The following INPP4B variants were observed in gnomAD, a reference collection of about 807,000 sequenced individuals.
INPP4B encodes inositol polyphosphate-4-phosphatase type II B.
In INPP4B, 55 loss-of-function variants were observed where a neutral mutation model predicts 122.5. The ratio of observed to expected loss-of-function variants is 0.45; its 90% CI spans 0.36 to 0.56. The LOEUF (loss-of-function observed/expected upper bound fraction) is 0.56. Among genes scored for constraint, INPP4B ranks in the 20% least tolerant of loss-of-function variants. The pLI is 0.00. For synonymous variants in INPP4B, 403 were observed against 388.7 expected (o/e 1.04, Z -0.43); for missense variants, 1,000 against 1,097.7 (o/e 0.91, Z 1.26).
At chr4:142,179,020 C>G (rs1033195680) in intron 15 of INPP4B, among the ~76,000 whole-genome samples, 8 of 151,982 alleles carry the variant, frequency 5.3e-5, no homozygotes, top group Non-Finnish European at 1.2e-4. Context: ...CCCCAATGCA[C>G]CCTTTCCATT....
At chr4:142,555,392 G>A (rs1171889323) in intron 2 of INPP4B, among the ~76,000 whole-genome samples, 1 of 152,154 alleles carries the variant, frequency 6.6e-6, no homozygotes, top group South Asian at 2.1e-4. Flanking sequence ...TAGCATTGGA[G>A]AAAAGAGGCA....
intron 2 of INPP4B, among the ~76,000 whole-genome samples, chr4:142,486,069 A>G (rs761096565): frequency 6.3e-4 from 96 of 152,152 alleles, no homozygotes; most frequent in Non-Finnish European, 7.9e-4. Flanking sequence ...TGAGGAAGAC[A>G]AGAAGTGCCG....
intron 7 of INPP4B, among the ~76,000 whole-genome samples, chr4:142,341,658 C>A (rs554140597): frequency 6.6e-6 from 1 of 152,198 alleles, no homozygotes; most frequent in East Asian, 1.9e-4. Flanking sequence ...TATTAAATGG[C>A]AAAGGTGATA....
At chr4:142,505,078 A>G (rs1210871834) in intron 2 of INPP4B, among the ~76,000 whole-genome samples, 2 of 151,968 alleles carry the variant, frequency 1.3e-5, no homozygotes, top group Non-Finnish European at 2.9e-5. Context: ...CTACAAAAAT[A>G]ATTCTTTTTT....
At position 142,056,609 on chromosome 4, in the gene INPP4B, G is replaced by A. The variant is rs528409122; in HGVS notation, c.2642+25422C>T. The stretch of plus-strand genomic sequence containing the variant: ...ACTTTTGATTCCCAGAACAACATAA[G>A]ATTGAGGCCTCAGAAAGAAGCTACT... On this transcript the variant is annotated intron_variant, in intron 25 of 25. Transcript: ENST00000262992. Among the ~76,000 whole-genome samples, 34 of 152,196 alleles carry A rather than the reference G, an allele frequency of 2.2e-4. 1 individual carries two copies. The highest frequency in any genetic ancestry group is 1.7e-3 in the Admixed American group (26 of 15,258).
chr4:142,540,653 A>G (rs1828831395), intron 2 of INPP4B, among the ~76,000 whole-genome samples: 1 of 152,156 alleles, frequency 6.6e-6, no homozygotes, highest in African/African-American at 2.4e-5. Flanking sequence ...AGTAATTAAT[A>G]TGGATTGAAC....
chr4:142,695,948 G>T (rs149181077), intron 2 of INPP4B, among the ~76,000 whole-genome samples: 1 of 152,088 alleles, frequency 6.6e-6, no homozygotes, highest in Non-Finnish European at 1.5e-5. Context: ...AGGGAAAGGC[G>T]GGCCAGGATA....
intron 2 of INPP4B, among the ~76,000 whole-genome samples, chr4:142,537,437 G>T (rs374099930): frequency 0.053 from 2,741 of 51,338 alleles, 36 homozygotes; most frequent in Non-Finnish European, 0.07. Context: ...TATAGAGAGA[G>T]AGAGAGAGAG....
intron 15 of INPP4B, among the ~76,000 whole-genome samples, chr4:142,179,403 G>A (rs1344498887): frequency 1.3e-5 from 2 of 149,490 alleles, no homozygotes; most frequent in South Asian, 2.1e-4. Context: ...AACTCGGGAG[G>A]TGGAGGTTGC....
chr4:142,648,828 T>C lies in INPP4B; in HGVS notation c.-191+77011A>G, dbSNP rs573406299. 8.3e-4 allele frequency among the ~76,000 whole-genome samples: 126 copies of C among 152,316 alleles called. 1 individual carries two copies. Among genetic ancestry groups the C allele is most frequent in the South Asian group, 6.4e-3 (31 of 4,824 alleles). ...GGCAGCAACGTCCCTGTCTGACAGC[T>C]CTGAAGACAGCTGTAGTTCTCCCAG... is the stretch of plus-strand genomic sequence containing the variant. On this transcript the variant is annotated intron_variant, in intron 2 of 25. Coordinates refer to ENST00000262992, the MANE Select transcript of INPP4B (RefSeq NM_001101669.3).
In INPP4B at chr4:142,062,752, AACAAACAAACAAACAAACAAACAG is replaced by A. The variant is rs1410303970; in HGVS notation, c.2642+19255_2642+19278del. Among the ~76,000 whole-genome samples the A allele has an allele frequency of 1.8e-4, 27 of 149,056 alleles. 1 individual carries two copies. Among genetic ancestry groups the A allele is most frequent in the African/African-American group, 6.9e-4 (27 of 39,370 alleles). On this transcript the variant is annotated intron_variant, in intron 25 of 25. Transcript: ENST00000262992. ...CTCCGTCCCCCCGCAAAAACAAACA[AACAAACAAACAAACAAACAAACAG>A]ACAAACAAACACAAAAAAACTTTTT...
chr4:142,624,897 T>C (rs1352950225), intron 2 of INPP4B, among the ~76,000 whole-genome samples: 6 of 152,142 alleles, frequency 3.9e-5, no homozygotes, highest in East Asian at 3.9e-4. Context: ...ATTATCTCAA[T>C]AGATGCAGAA....
At chr4:142,637,318 C>T (rs1475219340) in intron 2 of INPP4B, among the ~76,000 whole-genome samples, 2 of 151,832 alleles carry the variant, frequency 1.3e-5, no homozygotes, top group Non-Finnish European at 2.9e-5. Flanking sequence ...TTTCATTGCC[C>T]CCCGCAAAAA....
chr4:142,434,825 C>T (rs1810081165), intron 3 of INPP4B, among the ~76,000 whole-genome samples: 1 of 151,656 alleles, frequency 6.6e-6, no homozygotes, highest in Non-Finnish European at 1.5e-5. Context: ...TTCTCTGGGC[C>T]ACATTGGAAG....
At chr4:142,789,727 G>GA (rs543684976) in intron 1 of INPP4B, among the ~76,000 whole-genome samples, 2 of 151,856 alleles carry the variant, frequency 1.3e-5, no homozygotes, top group African/African-American at 4.8e-5. Context: ...CACAGAATTA[G>GA]AAAAAACAAT....
At chr4:142,422,674 A>C (rs886599173) in intron 5 of INPP4B, among the ~76,000 whole-genome samples, 1 of 152,028 alleles carries the variant, frequency 6.6e-6, no homozygotes, top group Non-Finnish European at 1.5e-5. Context: ...CTAGCCAGGC[A>C]TGGTCATGTG....
At chr4:142,602,376 C>G (rs1560852258) in intron 2 of INPP4B, among the ~76,000 whole-genome samples, 3 of 152,070 alleles carry the variant, frequency 2.0e-5, no homozygotes, top group Admixed American at 6.6e-5. Flanking sequence ...TAGAAAGAAT[C>G]AATATTGTAA....
intron 25 of INPP4B, among the ~76,000 whole-genome samples, chr4:142,041,929 C>T (rs1423062423): frequency 6.6e-6 from 1 of 152,202 alleles, no homozygotes; most frequent in East Asian, 1.9e-4. Context: ...CCTGCTTACT[C>T]TGCTGCCACC....
chr4:142,383,903 G>C (rs1795063444), intron 7 of INPP4B: 1 of 568,214 alleles, frequency 1.8e-6, no homozygotes, highest in Non-Finnish European at 3.1e-6. Context: ...TATTATTCAT[G>C]TGACCTCTCT....
Sources: gnomAD v4.1 joint callset for allele counts (sites outside exome capture counted in the v4.1 genomes callset) on GRCh38, gnomAD v4.1.1 for gene constraint, MANE v1.5 for transcripts, NCBI Gene and HGNC (gene_info 2026-07-23, HGNC 2026-07-21) for gene names.